The following TMED5 variants were observed in gnomAD, a reference collection of about 807,000 sequenced individuals.
TMED5 encodes transmembrane emp24 domain-containing protein 5.
A neutral mutation model predicts 23.0 loss-of-function variants in TMED5; 27 were observed. The observed-to-expected ratio is 1.17, with a 90% confidence interval of 0.86 to 1.62. The LOEUF is 1.62. TMED5 is among the 40% of genes most tolerant of loss of function. The probability of loss-of-function intolerance (pLI) is 0.00; values close to 1 mark genes in which losing one functional copy is unlikely to be tolerated. For missense variants in TMED5, 248 were observed against 273.7 expected (o/e 0.91, Z 0.66); for synonymous variants, 97 against 100.8 (o/e 0.96, Z 0.23).
At position 93,152,040 on chromosome 1, in the gene TMED5, C is replaced by T. The variant is rs1254881624; in HGVS notation, c.*2630G>A. ...GATAAAGAATTTTCATTTGAGGAGA[C>T]ATACAATTGTAAGTGCTCATTTTTT... On this transcript the variant is annotated 3_prime_UTR_variant, in exon 4 of 4. Transcript: ENST00000370282. The T allele has an allele frequency of 1.3e-5, 2 of 152,544 alleles. No homozygotes were observed. Among genetic ancestry groups the T allele is most frequent in the Admixed American group, 1.3e-4 (2 of 15,274 alleles). The allele number at this position is 152,544 out of a possible 1,614,324, so 9.4% of individuals were successfully genotyped here.
At chr1:93,179,513 A>G (rs1649174111) in intron 1 of TMED5, among the ~76,000 whole-genome samples, 1 of 152,266 alleles carries the variant, frequency 6.6e-6, no homozygotes, top group African/African-American at 2.4e-5. Context: ...GTATCATTAA[A>G]TATAGCAACA....
At chr1:93,157,414 A>G (rs1648111821) in intron 2 of TMED5, among the ~76,000 whole-genome samples, 1 of 152,214 alleles carries the variant, frequency 6.6e-6, no homozygotes, top group South Asian at 2.1e-4. Flanking sequence ...CCTAGTTAAA[A>G]TTAGTTTCCC....
In TMED5 at chr1:93,152,376, TA is replaced by T. The variant is rs1005970342; in HGVS notation, c.*2293del. ...TAATTTAGAAATGGAATAGTGAAAT[TA>T]AAAAAAGCATATGAAGCAGATAAAC... On this transcript the variant is annotated 3_prime_UTR_variant, in exon 4 of 4. Transcript: ENST00000370282. 3.3e-5 allele frequency: 5 copies of T among 152,396 alleles called. No homozygotes were observed. Among genetic ancestry groups the T allele is most frequent in the African/African-American group, 1.2e-4 (5 of 41,546 alleles). The allele number at this position is 152,396 out of a possible 1,614,324, so 9.4% of individuals were successfully genotyped here. A position where few individuals can be genotyped will look rare whatever the true frequency, so the allele number is the denominator to read the frequency against.
chr1:93,167,022 T>C (rs964387944), intron 1 of TMED5, among the ~76,000 whole-genome samples: 3 of 152,186 alleles, frequency 2.0e-5, no homozygotes, highest in African/African-American at 7.2e-5. Flanking sequence ...AAGAGACTCT[T>C]TTCCTCAGTG....
Position 93,180,203 on chromosome 1 carries a change from G to A in TMED5, c.40C>T (p.Leu14=). Residue 14 remains leucine, a synonymous_variant, in exon 1 of 4, where the codon CTG becomes TTG. Transcript: ENST00000370282. ...AGCAGCACCGGAGGCAGAGCGGCCA[G>A]AAGGAGCACGGGGAAGGGCAGCCAG... The part of the protein sequence containing the change: ...KIWLPFPVLL[L]AALPPVLLPG... The A allele has an allele frequency of 6.2e-7, 1 of 1,613,266 alleles. No individual in the cohort carries two copies. Among genetic ancestry groups the A allele is most frequent in the Non-Finnish European group, 8.5e-7 (1 of 1,179,750 alleles).
intron 1 of TMED5, among the ~76,000 whole-genome samples, chr1:93,176,814 A>G (rs1028677519): frequency 1.8e-4 from 28 of 152,222 alleles, no homozygotes; most frequent in African/African-American, 6.8e-4. Flanking sequence ...TACAGGTGTG[A>G]GCCACTGCAC....
chr1:93,168,854 G>A (rs1012692131), intron 1 of TMED5, among the ~76,000 whole-genome samples: 6 of 152,028 alleles, frequency 3.9e-5, no homozygotes, highest in South Asian at 4.1e-4. Context: ...GAAAAGGGGC[G>A]GGCGGGCATT....
chr1:93,168,799 C>T (rs996792816), intron 1 of TMED5, among the ~76,000 whole-genome samples: 9 of 152,142 alleles, frequency 5.9e-5, no homozygotes, highest in Non-Finnish European at 1.0e-4. Context: ...GGCACCACTG[C>T]ACTAGAGCCT....
At chr1:93,166,177 T>C (rs1176051982) in intron 1 of TMED5, among the ~76,000 whole-genome samples, 7 of 152,372 alleles carry the variant, frequency 4.6e-5, no homozygotes, top group African/African-American at 1.7e-4. Flanking sequence ...ATGAACACTT[T>C]AGGTTGCTTC....
chr1:93,173,682 G>A (rs573800150), intron 1 of TMED5, among the ~76,000 whole-genome samples: 2 of 152,282 alleles, frequency 1.3e-5, no homozygotes, highest in African/African-American at 4.8e-5. Context: ...GAGCAGAGCC[G>A]TAAGAACCAG....
At chr1:93,156,146 T>C in intron 3 of TMED5, 154 bp downstream of exon 3, 4 of 1,137,872 alleles carry the variant, frequency 3.5e-6, no homozygotes, top group Non-Finnish European at 5.0e-6. Context: ...AAAATTAAGC[T>C]GATACTTGAG....
intron 3 of TMED5, 53 bp from the exon 4 acceptor site, chr1:93,154,941 T>C (rs1427303808): frequency 1.5e-6 from 2 of 1,345,142 alleles, no homozygotes; most frequent in Non-Finnish European, 2.1e-6. Context: ...AAATTTTAAC[T>C]TAATTAAAAA....
chr1:93,172,889 A>G (rs1020409736), intron 1 of TMED5, among the ~76,000 whole-genome samples: 1 of 152,256 alleles, frequency 6.6e-6, no homozygotes, highest in Non-Finnish European at 1.5e-5. Flanking sequence ...AAAATGTGGT[A>G]TAGATACACA....
intron 1 of TMED5, among the ~76,000 whole-genome samples, chr1:93,165,864 T>C (rs1187112001): frequency 6.6e-6 from 1 of 152,198 alleles, no homozygotes; most frequent in East Asian, 1.9e-4. Context: ...TTTTGTTCTT[T>C]TTGTACCCAA....
At chr1:93,164,316 C>A (rs1450696789) in intron 1 of TMED5, among the ~76,000 whole-genome samples, 2 of 152,100 alleles carry the variant, frequency 1.3e-5, no homozygotes, top group African/African-American at 4.8e-5. Context: ...TAACTTGTCA[C>A]AGTTACCTGG....
At chr1:93,155,837 T>G (rs1043089863) in intron 3 of TMED5, among the ~76,000 whole-genome samples, 1 of 152,222 alleles carries the variant, frequency 6.6e-6, no homozygotes, top group African/African-American at 2.4e-5. Context: ...TATTACATAA[T>G]GCATGTGTTT....
At position 93,152,797 on chromosome 1, in the gene TMED5, GC is replaced by G. The variant is rs531965787; in HGVS notation, c.*1872del. 6.6e-5 allele frequency: 10 copies of G among 152,628 alleles called. No homozygotes were observed. The East Asian group carries it at 1.9e-3, about 29-fold the overall frequency. The allele number at this position is 152,628 out of a possible 1,614,324, so 9.5% of individuals were successfully genotyped here. A position where few individuals can be genotyped will look rare whatever the true frequency, so the allele number is the denominator to read the frequency against. On this transcript the variant is annotated 3_prime_UTR_variant, in exon 4 of 4. Coordinates refer to ENST00000370282, the MANE Select transcript of TMED5 (RefSeq NM_016040.5). ...TTTGCTTCTCATTGCAAATTTAACA[GC>G]GCAAAAGGGAGGGGTATTCATAGGC...
At chr1:93,177,159 G>C (rs1421407746) in intron 1 of TMED5, among the ~76,000 whole-genome samples, 1 of 152,074 alleles carries the variant, frequency 6.6e-6, no homozygotes, top group Non-Finnish European at 1.5e-5. Context: ...AAACAAGTTG[G>C]GAAATACAAA....
intron 1 of TMED5, among the ~76,000 whole-genome samples, chr1:93,173,619 A>AG (rs1041918825): frequency 1.3e-5 from 2 of 152,248 alleles, no homozygotes; most frequent in Non-Finnish European, 2.9e-5. Context: ...TAGGAAAAAT[A>AG]TCTGTCAGTG....
Sources: gnomAD v4.1 joint callset for allele counts (sites outside exome capture counted in the v4.1 genomes callset) on GRCh38, gnomAD v4.1.1 for gene constraint, MANE v1.5 for transcripts, NCBI Gene and HGNC (gene_info 2026-07-23, HGNC 2026-07-21) for gene names.